The following ATP8A2 variants were observed in gnomAD, a reference collection of about 807,000 sequenced individuals.
ATP8A2 encodes the protein ATPase phospholipid transporting 8A2, also known as phospholipid-transporting ATPase IB.
A neutral mutation model predicts 165.6 loss-of-function variants in ATP8A2; 100 were observed. The observed-to-expected ratio is 0.60, with a 90% CI of 0.51 to 0.71. The LOEUF (loss-of-function observed/expected upper bound fraction) is 0.71, where lower values mean the gene tolerates loss of function less well. Among genes scored for constraint, ATP8A2 ranks in the 30% least tolerant of loss-of-function variants. The probability of loss-of-function intolerance (pLI) is 0.00; values close to 1 mark genes in which losing one functional copy is unlikely to be tolerated. For synonymous variants in ATP8A2, 543 were observed against 548.8 expected (o/e 0.99, Z 0.15); for missense variants, 1,227 against 1,479.5 (o/e 0.83, Z 2.80).
chr13:25,906,821 C>T (rs1261142594), intron 33 of ATP8A2, among the ~76,000 whole-genome samples: 1 of 152,180 alleles, frequency 6.6e-6, no homozygotes, highest in Non-Finnish European at 1.5e-5. Flanking sequence ...CTCTTTCTCC[C>T]TGGTGATCAA....
chr13:25,749,150 T>C (rs1303663071), intron 25 of ATP8A2, among the ~76,000 whole-genome samples: 6 of 152,204 alleles, frequency 3.9e-5, no homozygotes, highest in Non-Finnish European at 8.8e-5. Flanking sequence ...TTTCTAACTC[T>C]TGGCAGCAGG....
rs547074852 is a variant in ATP8A2, at chr13:25,856,639, A to G, written c.2957-3556A>G. On this transcript the variant is annotated intron_variant, in intron 30 of 36. Transcript: ENST00000381655. ...TCCATTTTAACATTTTAAGCATACAATTCAGAGACATTAATTACAGAATGT... is the reference window on the plus strand; with the variant it reads ...TCCATTTTAACATTTTAAGCATACAGTTCAGAGACATTAATTACAGAATGT... Among the ~76,000 whole-genome samples the G allele has an allele frequency of 3.3e-5, 5 of 152,324 alleles. No homozygotes were observed. In the East Asian group the frequency reaches 5.8e-4, roughly 18 times the overall value.
Position 26,014,939 on chromosome 13 carries a change from G to C in ATP8A2, c.3469+2317G>C, listed in dbSNP as rs553340805. ...GCCAGACACAGAGAAAACACATACA[G>C]GTTCCCAGAACTCTACAGGGTCTGT... On this transcript the variant is annotated intron_variant, in intron 36 of 36. Transcript: ENST00000381655. Among the ~76,000 whole-genome samples, 7 of 152,242 alleles carry C rather than the reference G, an allele frequency of 4.6e-5. No individual in the cohort carries two copies. In the East Asian group the frequency reaches 1.3e-3, roughly 29 times the overall value.
At chr13:25,555,888 C>T (rs182548342) in intron 13 of ATP8A2, among the ~76,000 whole-genome samples, 2 of 151,676 alleles carry the variant, frequency 1.3e-5, no homozygotes, top group Admixed American at 6.6e-5. Context: ...GCTTTCTGTT[C>T]TTGCATTAAT....
At chr13:25,563,151 T>TG (rs759886088) in intron 15 of ATP8A2, among the ~76,000 whole-genome samples, 1 of 152,254 alleles carries the variant, frequency 6.6e-6, no homozygotes, top group Non-Finnish European at 1.5e-5. Context: ...GGCTCACGCC[T>TG]GTAATCCCAG....
At chr13:25,528,435 G>A (rs1436019923) in intron 2 of ATP8A2, among the ~76,000 whole-genome samples, 1 of 152,184 alleles carries the variant, frequency 6.6e-6, no homozygotes, top group African/African-American at 2.4e-5. Context: ...TGAGGCAGTG[G>A]CAGATGGGAC....
At chr13:25,947,927 A>G (rs879735331) in intron 33 of ATP8A2, among the ~76,000 whole-genome samples, 1 of 152,170 alleles carries the variant, frequency 6.6e-6, no homozygotes, top group Admixed American at 6.5e-5. Context: ...ATAAGAGAAC[A>G]TCATGCTTGC....
At chr13:25,701,440 T>C (rs2042949105) in intron 25 of ATP8A2, among the ~76,000 whole-genome samples, 1 of 151,794 alleles carries the variant, frequency 6.6e-6, no homozygotes, top group Non-Finnish European at 1.5e-5. Context: ...ACACTGGAGG[T>C]TGTTACTGCT....
At chr13:25,967,608 A>G (rs2139205799) in intron 34 of ATP8A2, among the ~76,000 whole-genome samples, 1 of 152,282 alleles carries the variant, frequency 6.6e-6, no homozygotes, top group South Asian at 2.1e-4. Context: ...ATTTATATTT[A>G]AATTAAACCG....
intron 1 of ATP8A2, among the ~76,000 whole-genome samples, chr13:25,451,519 C>T (rs1193278345): frequency 6.6e-6 from 1 of 152,050 alleles, no homozygotes; most frequent in Non-Finnish European, 1.5e-5. Context: ...CTCCTTACAC[C>T]CTCATGGTCA....
intron 33 of ATP8A2, among the ~76,000 whole-genome samples, chr13:25,937,362 C>T (rs10700987): frequency 4.1e-4 from 16 of 38,782 alleles, no homozygotes; most frequent in Admixed American, 4.6e-4. Context: ...TTCTTTCTTT[C>T]TTTTTTTTTT....
chr13:25,612,259 T>C (rs2040707361), intron 24 of ATP8A2, among the ~76,000 whole-genome samples: 1 of 152,166 alleles, frequency 6.6e-6, no homozygotes, highest in Non-Finnish European at 1.5e-5. Context: ...GACGTTTTGA[T>C]GTAGGCATTT....
intron 28 of ATP8A2, among the ~76,000 whole-genome samples, chr13:25,832,230 G>A (rs1951497506): frequency 1.3e-5 from 2 of 152,112 alleles, no homozygotes; most frequent in African/African-American, 4.8e-5. Flanking sequence ...GAGCCACTGT[G>A]CCTGGCTCAT....
intron 1 of ATP8A2, among the ~76,000 whole-genome samples, chr13:25,412,269 C>G (rs2033989534): frequency 6.6e-6 from 1 of 152,090 alleles, no homozygotes; most frequent in South Asian, 2.1e-4. Context: ...AGCAGTTTAT[C>G]TAATGATTCC....
intron 24 of ATP8A2, among the ~76,000 whole-genome samples, chr13:25,596,581 T>G (rs541409082): frequency 1.3e-5 from 2 of 152,332 alleles, no homozygotes; most frequent in Admixed American, 6.5e-5. Context: ...TTCATCCATG[T>G]TGCTGTGTGT....
chr13:25,385,877 G>A (rs2033022290), intron 1 of ATP8A2, among the ~76,000 whole-genome samples: 1 of 151,220 alleles, frequency 6.6e-6, no homozygotes, highest in African/African-American at 2.4e-5. Context: ...ATTTTTGGTA[G>A]AGATGAGGTC....
At chr13:25,568,189 A>G (rs916570439) in intron 16 of ATP8A2, among the ~76,000 whole-genome samples, 2 of 152,194 alleles carry the variant, frequency 1.3e-5, no homozygotes, top group Non-Finnish European at 2.9e-5. Context: ...TAGAGAATCA[A>G]CCTATGAGAA....
chr13:25,709,151 G>A (rs1462392588), intron 25 of ATP8A2, among the ~76,000 whole-genome samples: 2 of 152,204 alleles, frequency 1.3e-5, no homozygotes, highest in East Asian at 1.9e-4. Flanking sequence ...CTCCCCAACC[G>A]TCCCATCAAA....
intron 25 of ATP8A2, among the ~76,000 whole-genome samples, chr13:25,747,292 G>A (rs12857623): frequency 0.13 from 19,163 of 152,236 alleles, 1,385 homozygotes; most frequent in East Asian, 0.23. Flanking sequence ...CTCATCTGCC[G>A]TGCTCCTTGG....
Sources: gnomAD v4.1 joint callset for allele counts (sites outside exome capture counted in the v4.1 genomes callset) on GRCh38, gnomAD v4.1.1 for gene constraint, MANE v1.5 for transcripts, NCBI Gene and HGNC (gene_info 2026-07-23, HGNC 2026-07-21) for gene names.